NR1D2: variants seen among roughly 807,000 people sequenced by gnomAD.
NR1D2 encodes nuclear receptor subfamily 1 group D member 2.
In NR1D2, 25 loss-of-function variants were observed where a neutral mutation model predicts 52.2. The ratio of observed to expected loss-of-function variants is 0.48; its 90% confidence interval spans 0.35 to 0.67. NR1D2 has a LOEUF of 0.67. Among genes scored for constraint, NR1D2 ranks in the 30% least tolerant of loss-of-function variants. The pLI, the probability that NR1D2 is intolerant of heterozygous loss-of-function variation, is 0.01. For missense variants in NR1D2, 681 were observed against 707.2 expected, an observed-to-expected ratio of 0.96 and a Z score of 0.42; for synonymous variants, 259 against 230.1, an observed-to-expected ratio of 1.13 and a Z score of -1.14.
At chr3:23,963,935 T>A (rs1408208164) in intron 5 of NR1D2, among the ~76,000 whole-genome samples, 10 of 133,674 alleles carry the variant, frequency 7.5e-5, no homozygotes, top group African/African-American at 2.5e-4. Context: ...TTTTTTTTTT[T>A]AATAACTTCT....
rs1402300953 is a variant in NR1D2, at chr3:23,977,334, C to G, written c.1655C>G (p.Thr552Arg). 2 of 1,613,626 alleles carry G rather than the reference C, an allele frequency of 1.2e-6. No individual in the cohort carries two copies. Among genetic ancestry groups the G allele is most frequent in the South Asian group, 1.1e-5 (1 of 91,042 alleles). Residue 552 changes from threonine (T) to arginine (R), a missense_variant, in exon 8 of 8, where the codon ACA becomes AGA. This residue lies in a region of NR1D2 where 475 missense variants were observed against 454.5 expected (regional missense o/e 1.05). Transcript: ENST00000312521. The stretch of plus-strand genomic sequence containing the variant: ...CATCCAAATGAGGCCTCTATTTTTA[C>G]AAAACTGCTTCTAAAGTTGCCAGAT... ...KNHPNEASIF[T>R]KLLLKLPDLR... is the part of the protein sequence containing the mutation.
At chr3:23,958,405 G>GGGA (rs1408212884) in intron 3 of NR1D2, among the ~76,000 whole-genome samples, 1 of 152,118 alleles carries the variant, frequency 6.6e-6, no homozygotes, top group Non-Finnish European at 1.5e-5. Context: ...CTAGCTCTTT[G>GGGA]GGAGGCTGAA....
chr3:23,972,221 C>T (rs933900681), intron 7 of NR1D2, among the ~76,000 whole-genome samples: 37 of 152,204 alleles, frequency 2.4e-4, no homozygotes, highest in Admixed American at 1.4e-3. Context: ...ACATGTTATT[C>T]ACAGTTATAC....
chr3:23,963,025 T>G (rs976588488), intron 5 of NR1D2, among the ~76,000 whole-genome samples: 1 of 152,088 alleles, frequency 6.6e-6, no homozygotes, highest in African/African-American at 2.4e-5. Flanking sequence ...GTTTTTTTTT[T>G]TTTTAACCAT....
rs1559340418 is a variant in NR1D2 at position 23,978,237 on chromosome 3, T to G, written c.*818T>G. ...AAAGACATAGTACATGTACATAATATGTATGTGAATATAGTTAAATATATT... is the reference window on the plus strand; with the variant it reads ...AAAGACATAGTACATGTACATAATAGGTATGTGAATATAGTTAAATATATT... On this transcript the variant is annotated 3_prime_UTR_variant, in exon 8 of 8. Transcript: ENST00000312521. 6.6e-6 allele frequency: 1 copy of G among 152,196 alleles called. No homozygotes were observed. Among genetic ancestry groups the G allele is most frequent in the East Asian group, 1.9e-4 (1 of 5,202 alleles). 9.4% of individuals were successfully genotyped at this position (152,196 alleles called of 1,614,324 possible).
intron 3 of NR1D2, among the ~76,000 whole-genome samples, chr3:23,957,664 A>G (rs957468675): frequency 4.0e-5 from 6 of 151,766 alleles, no homozygotes; most frequent in African/African-American, 1.5e-4. Context: ...CGGAGCTTGC[A>G]GTGAGCTGAG....
At position 23,962,353 on chromosome 3, in the gene NR1D2, T is replaced by C; in HGVS notation, c.894T>C (p.His298=). ...PKNMEQYNLN[H]DHCGNGLSSH... is the part of the protein sequence containing the mutation. ...ACATGGAGCAATATAATTTAAATCA[T>C]GATCATTGCGGCAATGGGCTTAGCA... is the stretch of plus-strand genomic sequence containing the variant. The change falls in exon 5 of 8, where the codon CAT becomes CAC. Residue 298 remains histidine, a synonymous_variant. Transcript: ENST00000312521. 2 of 1,614,144 alleles carry C rather than the reference T, an allele frequency of 1.2e-6. No homozygotes were observed. The highest frequency in any genetic ancestry group is 8.5e-7 in the Non-Finnish European group (1 of 1,180,008).
intron 6 of NR1D2, among the ~76,000 whole-genome samples, 171 bp downstream of exon 6, chr3:23,965,333 G>A (rs1037196109): frequency 6.9e-6 from 1 of 144,630 alleles, no homozygotes; most frequent in Admixed American, 7.4e-5. Context: ...TCTGCTTCCT[G>A]GGTTCAAGCA....
chr3:23,969,318 A>T (rs1230893432), intron 7 of NR1D2, among the ~76,000 whole-genome samples: 1 of 152,152 alleles, frequency 6.6e-6, no homozygotes, highest in African/African-American at 2.4e-5. Context: ...ACAAAAAAAA[A>T]ACAAGTTATT....
At position 23,980,443 on chromosome 3, in the gene NR1D2, C is replaced by T. The variant is rs1413572314; in HGVS notation, c.*3024C>T. The T allele has an allele frequency of 6.6e-6, 1 of 151,870 alleles. No homozygotes were observed. The highest frequency in any genetic ancestry group is 2.4e-5 in the African/African-American group (1 of 41,320). 9.4% of individuals were successfully genotyped at this position (151,870 alleles called of 1,614,324 possible). ...AAACTTGAAGCTATTCTGGAACTAA[C>T]ATGGAAAAATGAAATGGCTATTGTT... On this transcript the variant is annotated 3_prime_UTR_variant, in exon 8 of 8. Transcript: ENST00000312521.
intron 7 of NR1D2, among the ~76,000 whole-genome samples, chr3:23,976,508 A>G (rs73822613): frequency 6.6e-6 from 1 of 152,138 alleles, no homozygotes; most frequent in Non-Finnish European, 1.5e-5. Flanking sequence ...GTTCCTTGCA[A>G]GCTGTTGGAC....
chr3:23,965,299 G>C (rs1706410240), intron 6 of NR1D2, 137 bp downstream of exon 6: 2 of 637,964 alleles, frequency 3.1e-6, no homozygotes, highest in South Asian at 4.8e-5. Context: ...GAGTGCAGCA[G>C]CGCGATCATA....
chr3:23,968,700 T>C (rs1190247713), intron 7 of NR1D2, among the ~76,000 whole-genome samples: 1 of 152,188 alleles, frequency 6.6e-6, no homozygotes, highest in African/African-American at 2.4e-5. Context: ...GCCCCTGCCA[T>C]CTTGCATTAA....
intron 3 of NR1D2, among the ~76,000 whole-genome samples, chr3:23,959,152 C>G (rs541080554): frequency 3.3e-5 from 5 of 151,696 alleles, no homozygotes; most frequent in Non-Finnish European, 7.4e-5. Context: ...CCTGTAGTCC[C>G]AGCTGTTTGT....
chr3:23,963,445 T>C, intron 5 of NR1D2: 1 of 1,168,878 alleles, frequency 8.6e-7, no homozygotes, highest in Non-Finnish European at 1.1e-6. Flanking sequence ...TTAGGCTAAG[T>C]CGTTGCTTTT....
intron 1 of NR1D2, among the ~76,000 whole-genome samples, chr3:23,947,150 C>A (rs554305672): frequency 6.6e-6 from 1 of 152,194 alleles, no homozygotes; most frequent in South Asian, 2.1e-4. Flanking sequence ...AATTAAACTT[C>A]TACATGTTAG....
At chr3:23,965,235 CTT>C (rs371267256) in intron 6 of NR1D2, 73 bp downstream of exon 6, 15,725 of 303,370 alleles carry the variant, frequency 0.052, no homozygotes, top group South Asian at 0.064. Flanking sequence ...TGTTTTAATT[CTT>C]TTTTTTTTTT....
chr3:23,961,975 A>G lies in NR1D2; in HGVS notation c.518-2A>G. 6.3e-7 allele frequency: 1 copy of G among 1,584,392 alleles called. No homozygotes were observed. The highest frequency in any genetic ancestry group is 8.6e-7 in the Non-Finnish European group (1 of 1,166,048). Reference sequence around the variant, plus strand: ...GACGTTAAATATCTTTTTCTTCAATAGCTGTTCGGTTTGGTCGTATTCCTA... The same window carrying G: ...GACGTTAAATATCTTTTTCTTCAATGGCTGTTCGGTTTGGTCGTATTCCTA... On this transcript the variant is annotated splice_acceptor_variant, in intron 4 of 7. Transcript: ENST00000312521. LOFTEE classifies it high-confidence loss of function.
intron 7 of NR1D2, among the ~76,000 whole-genome samples, chr3:23,969,693 T>G (rs1423604584): frequency 6.6e-6 from 1 of 152,202 alleles, no homozygotes; most frequent in Non-Finnish European, 1.5e-5. Context: ...GGCACAAGCT[T>G]GCTAAGTGTT....
Sources: gnomAD v4.1 joint callset for allele counts (sites outside exome capture counted in the v4.1 genomes callset) on GRCh38, gnomAD v4.1.1 for gene constraint, gnomAD v4.1.1 regional missense constraint, MANE v1.5 for transcripts, NCBI Gene and HGNC (gene_info 2026-07-23, HGNC 2026-07-21) for gene names.